STK32B: variants seen among roughly 807,000 people sequenced by gnomAD.
The protein encoded by STK32B is serine/threonine-protein kinase 32B.
A neutral mutation model predicts 52.6 loss-of-function variants in STK32B; 43 were observed. The ratio of observed to expected loss-of-function variants is 0.82; its 90% CI spans 0.64 to 1.05. The LOEUF (loss-of-function observed/expected upper bound fraction) is 1.05, where lower values mean the gene tolerates loss of function less well. Ranked by LOEUF, STK32B falls within the 50% of genes least tolerant of loss-of-function variation. STK32B has a pLI of 0.00. For missense variants in STK32B, 621 were observed against 534.6 expected (o/e 1.16, Z -1.59); for synonymous variants, 238 against 204.3 (o/e 1.17, Z -1.41).
intron 1 of STK32B, among the ~76,000 whole-genome samples, chr4:5,139,344 T>TA: frequency 6.6e-6 from 1 of 152,150 alleles, no homozygotes; most frequent in Non-Finnish European, 1.5e-5. Flanking sequence ...CATTGACACA[T>TA]ACAGCCAAGG....
At chr4:5,404,863 ATTTTTTTTTTTT>A (rs58235629) in intron 5 of STK32B, among the ~76,000 whole-genome samples, 4 of 113,186 alleles carry the variant, frequency 3.5e-5, no homozygotes, top group Non-Finnish European at 5.3e-5. Context: ...TCTGTATGCG[ATTTTTTTTTTTT>A]TTTTTTTTTG....
chr4:5,412,542 T>A lies in STK32B; in HGVS notation c.473-4303T>A, dbSNP rs992940188. ...CAGGAGGTAACGAGATCAGGACTGT[T>A]TGACCCAGCTCTGTAGGAGGAGAGT... On this transcript the variant is annotated intron_variant, in intron 5 of 11. Transcript: ENST00000282908. Among the ~76,000 whole-genome samples, 5 of 152,270 alleles carry A rather than the reference T, an allele frequency of 3.3e-5. No individual in the cohort carries two copies. The East Asian group carries it at 9.7e-4, about 29-fold the overall frequency.
chr4:5,395,761 A>G lies in STK32B; in HGVS notation c.435-2446A>G, dbSNP rs1736847860. On this transcript the variant is annotated intron_variant, in intron 4 of 11. Coordinates refer to ENST00000282908, the MANE Select transcript of STK32B (RefSeq NM_018401.3). The surrounding 1 kb of genome is among the most constrained non-coding windows in gnomAD (Gnocchi z 4.4). ...TAATCCACACAGCAAAGGAAACTGA[A>G]GCAGAGGCAGAGATCATGCAGGTAG... Among the ~76,000 whole-genome samples the G allele has an allele frequency of 1.3e-5, 2 of 152,268 alleles. No homozygotes were observed. Among genetic ancestry groups the G allele is most frequent in the Admixed American group, 1.3e-4 (2 of 15,288 alleles).
At chr4:5,171,041 A>G (rs1006129956) in intron 3 of STK32B, among the ~76,000 whole-genome samples, 11 of 152,082 alleles carry the variant, frequency 7.2e-5, no homozygotes, top group Non-Finnish European at 5.9e-5. Flanking sequence ...TTTGATTTGT[A>G]TTTCTCTGAT....
rs550378463 is a variant in STK32B at position 5,336,110 on chromosome 4, A to C, written c.434+4717A>C. On this transcript the variant is annotated intron_variant, in intron 4 of 11. Transcript: ENST00000282908. ...CTGCCTGGGTTGGGATACTGTACTA[A>C]CAATGGCAATGTTATCTGAACATAA... Among the ~76,000 whole-genome samples, 6 of 148,634 alleles carry C rather than the reference A, an allele frequency of 4.0e-5. No individual in the cohort carries two copies. The East Asian group carries it at 1.2e-3, about 29-fold the overall frequency.
Position 5,254,669 on chromosome 4 carries a change from T to G in STK32B, c.261-76551T>G, listed in dbSNP as rs1053344255. On this transcript the variant is annotated intron_variant, in intron 3 of 11. Transcript: ENST00000282908. The stretch of plus-strand genomic sequence containing the variant: ...ATAAAATTTCCAAACATTTGGAGAT[T>G]GTTTAGCTTTTTCTTATTGAGTTCC... Among the ~76,000 whole-genome samples the G allele has an allele frequency of 8.5e-5, 13 of 152,178 alleles. 1 individual carries two copies. The highest frequency in any genetic ancestry group is 1.9e-4 in the Non-Finnish European group (13 of 68,036).
chr4:5,499,240 A>AT lies in STK32B; in HGVS notation c.*158dup. The AT allele has an allele frequency of 9.4e-7, 1 of 1,067,732 alleles. No individual in the cohort carries two copies. Among genetic ancestry groups the AT allele is most frequent in the South Asian group, 2.0e-5 (1 of 49,912 alleles). 66.1% of individuals were successfully genotyped at this position (1,067,732 alleles called of 1,614,324 possible). ...GCTGGGAAGCCTGGGTTCTGGTCCC[A>AT]TCTCCATGACTGATTCACGTGTGAC... On this transcript the variant is annotated 3_prime_UTR_variant, in exon 12 of 12. Coordinates refer to ENST00000282908, the MANE Select transcript of STK32B (RefSeq NM_018401.3).
chr4:5,254,305 G>A (rs145258047), intron 3 of STK32B, among the ~76,000 whole-genome samples: 2 of 151,818 alleles, frequency 1.3e-5, no homozygotes, highest in East Asian at 3.9e-4. Flanking sequence ...GTTACTGTGG[G>A]TTTATCAATT....
chr4:5,224,985 C>T (rs1195422383), intron 3 of STK32B, among the ~76,000 whole-genome samples: 1 of 152,118 alleles, frequency 6.6e-6, no homozygotes. Flanking sequence ...CTCGGTCATT[C>T]ATGCAGACGT....
At chr4:5,074,589 GTATAT>G (rs1560138032) in intron 1 of STK32B, among the ~76,000 whole-genome samples, 1 of 151,776 alleles carries the variant, frequency 6.6e-6, no homozygotes, top group Non-Finnish European at 1.5e-5. Flanking sequence ...ATTGTAGATG[GTATAT>G]TATAGAAGCT....
rs545850062 is a variant in STK32B at position 5,198,421 on chromosome 4, T to G, written c.260+29971T>G. The stretch of plus-strand genomic sequence containing the variant: ...TATACTTGTTTTAATACGTGTGCCT[T>G]TGATTCCCAATAATACTAATAATTT... On this transcript the variant is annotated intron_variant, in intron 3 of 11. Coordinates refer to ENST00000282908, the MANE Select transcript of STK32B (RefSeq NM_018401.3). Among the ~76,000 whole-genome samples, 6 of 152,332 alleles carry G rather than the reference T, an allele frequency of 3.9e-5. No individual in the cohort carries two copies. The South Asian group carries it at 1.2e-3, about 32-fold the overall frequency.
chr4:5,494,044 A>C (rs1719981607), intron 11 of STK32B, among the ~76,000 whole-genome samples: 1 of 152,204 alleles, frequency 6.6e-6, no homozygotes, highest in African/African-American at 2.4e-5. Flanking sequence ...GCTGAAAAAA[A>C]TGTATATTCT....
Position 5,268,212 on chromosome 4 carries a change from C to T in STK32B, c.261-63008C>T, listed in dbSNP as rs553628312. Reference sequence around the variant, plus strand: ...GTTTGGGCACAGTTCTACCACACTCCGCTGCATACCTTTTTCTCTGAGGTG... The same window carrying T: ...GTTTGGGCACAGTTCTACCACACTCTGCTGCATACCTTTTTCTCTGAGGTG... On this transcript the variant is annotated intron_variant, in intron 3 of 11. Transcript: ENST00000282908. Among the ~76,000 whole-genome samples, 150 of 152,222 alleles carry T rather than the reference C, an allele frequency of 9.9e-4. 1 individual carries two copies. Among genetic ancestry groups the T allele is most frequent in the African/African-American group, 3.4e-3 (142 of 41,540 alleles).
rs1056057604 is a variant in STK32B, at chr4:5,466,936, C to T, written c.1041+102C>T. On this transcript the variant is annotated intron_variant, in intron 10 of 11. Coordinates refer to ENST00000282908, the MANE Select transcript of STK32B (RefSeq NM_018401.3). Reference sequence around the variant, plus strand: ...AGCAAAAAGGGGACATTTCAATCCTCCCTTCCAATTTCCTTATTTTGCAGT... The same window carrying T: ...AGCAAAAAGGGGACATTTCAATCCTTCCTTCCAATTTCCTTATTTTGCAGT... The T allele has an allele frequency of 5.6e-6, 8 of 1,420,634 alleles. No individual in the cohort carries two copies. In the South Asian group the frequency reaches 1.2e-4, roughly 21 times the overall value. The allele number at this position is 1,420,634 out of a possible 1,614,324, so 88.0% of individuals were successfully genotyped here.
At chr4:5,373,724 G>A (rs764736827) in intron 4 of STK32B, among the ~76,000 whole-genome samples, 4 of 152,074 alleles carry the variant, frequency 2.6e-5, no homozygotes, top group South Asian at 2.1e-4. Flanking sequence ...CCATCCCACC[G>A]ATTTTGTCCC....
chr4:5,231,160 G>A, intron 3 of STK32B, among the ~76,000 whole-genome samples: 1 of 152,108 alleles, frequency 6.6e-6, no homozygotes, highest in East Asian at 1.9e-4. Context: ...TTGATATCTT[G>A]CATCACTCTT....
intron 1 of STK32B, among the ~76,000 whole-genome samples, chr4:5,072,904 C>T (rs1459877606): frequency 6.6e-6 from 1 of 152,066 alleles, no homozygotes; most frequent in African/African-American, 2.4e-5. Flanking sequence ...ATTATATGCA[C>T]ATTTAGGATT....
At chr4:5,215,345 A>T (rs1577202534) in intron 3 of STK32B, among the ~76,000 whole-genome samples, 1 of 152,300 alleles carries the variant, frequency 6.6e-6, no homozygotes, top group Non-Finnish European at 1.5e-5. Context: ...CTTCAATCAG[A>T]TATCACATCT....
chr4:5,429,963 TC>T (rs1713430178), intron 6 of STK32B, among the ~76,000 whole-genome samples: 1 of 116,730 alleles, frequency 8.6e-6, no homozygotes, highest in East Asian at 2.8e-4. Context: ...CTATCCCTGT[TC>T]CTCTGTAGGT....
Sources: gnomAD v4.1 joint callset for allele counts (sites outside exome capture counted in the v4.1 genomes callset) on GRCh38, gnomAD v4.1.1 for gene constraint, Gnocchi (gnomAD v3.1) non-coding constraint, MANE v1.5 for transcripts, NCBI Gene and HGNC (gene_info 2026-07-23, HGNC 2026-07-21) for gene names.